Variants in SPATS2 observed in about 807,000 individuals in gnomAD.
SPATS2 encodes the protein spermatogenesis associated serine rich 2, also known as spermatogenesis-associated serine-rich protein 2.
SPATS2 carries 38 observed loss-of-function variants against 63.7 expected under a neutral mutation model. The ratio of observed to expected loss-of-function variants is 0.60; its 90% CI spans 0.46 to 0.78. The LOEUF is 0.78. Among genes scored for constraint, SPATS2 ranks in the 30% least tolerant of loss-of-function variants. The probability of loss-of-function intolerance (pLI) is 0.00; values close to 1 mark genes in which losing one functional copy is unlikely to be tolerated. For missense variants in SPATS2, 588 were observed against 666.2 expected, an observed-to-expected ratio of 0.88 and a Z score of 1.29; for synonymous variants, 207 against 232.9, an observed-to-expected ratio of 0.89 and a Z score of 1.01.
intron 9 of SPATS2, among the ~76,000 whole-genome samples, chr12:49,514,178 A>G (rs1946801385): frequency 6.6e-6 from 1 of 151,458 alleles, no homozygotes; most frequent in Non-Finnish European, 1.5e-5. Flanking sequence ...AAAGTATGTG[A>G]GTACATACAT....
At chr12:49,521,957 G>T (rs1489386594) in intron 11 of SPATS2, among the ~76,000 whole-genome samples, 1 of 151,726 alleles carries the variant, frequency 6.6e-6, no homozygotes, top group East Asian at 1.9e-4. Context: ...TAAGAGGAGT[G>T]CTCTGAGGGG....
At chr12:49,433,390 T>C (rs1945219826) in intron 2 of SPATS2, among the ~76,000 whole-genome samples, 1 of 152,262 alleles carries the variant, frequency 6.6e-6, no homozygotes, top group Non-Finnish European at 1.5e-5. Flanking sequence ...CTCGAACTCC[T>C]GACCTCAAGT....
At chr12:49,376,173 C>T (rs1944098411) in intron 2 of SPATS2, among the ~76,000 whole-genome samples, 1 of 144,800 alleles carries the variant, frequency 6.9e-6, no homozygotes, top group Admixed American at 7.1e-5. Flanking sequence ...GCAATCTTGG[C>T]TCACTGCAAC....
chr12:49,410,784 A>T (rs557530521), intron 2 of SPATS2, among the ~76,000 whole-genome samples: 10 of 151,940 alleles, frequency 6.6e-5, no homozygotes, highest in Admixed American at 6.6e-4. Context: ...GCTTAAAAGG[A>T]ATTTTTTTTT....
At chr12:49,507,705 A>C (rs1282969294) in intron 9 of SPATS2, among the ~76,000 whole-genome samples, 1 of 152,168 alleles carries the variant, frequency 6.6e-6, no homozygotes, top group East Asian at 1.9e-4. Context: ...GTGTAATTTC[A>C]ATGTGATCTT....
At chr12:49,398,636 G>A (rs1165470645) in intron 2 of SPATS2, among the ~76,000 whole-genome samples, 1 of 152,172 alleles carries the variant, frequency 6.6e-6, no homozygotes, top group Non-Finnish European at 1.5e-5. Context: ...TAGTTGAGAT[G>A]TGTTAAATTT....
chr12:49,508,859 T>C (rs1592470455), intron 9 of SPATS2, among the ~76,000 whole-genome samples: 1 of 151,552 alleles, frequency 6.6e-6, no homozygotes, highest in South Asian at 2.1e-4. Flanking sequence ...AGGTCAGGAG[T>C]TTGAAACCAG....
intron 2 of SPATS2, among the ~76,000 whole-genome samples, chr12:49,407,504 T>A (rs1478815321): frequency 2.0e-5 from 3 of 152,216 alleles, no homozygotes; most frequent in Non-Finnish European, 4.4e-5. Flanking sequence ...TTTTCTAAGA[T>A]GCCAGGTTGT....
At chr12:49,368,194 A>G (rs2137118625) in intron 1 of SPATS2, among the ~76,000 whole-genome samples, 1 of 152,368 alleles carries the variant, frequency 6.6e-6, no homozygotes, top group Middle Eastern at 3.4e-3. Context: ...TAATTCATCC[A>G]GAATGATTAG....
intron 2 of SPATS2, among the ~76,000 whole-genome samples, chr12:49,382,925 G>A (rs1944247608): frequency 6.6e-6 from 1 of 151,856 alleles, no homozygotes; most frequent in Admixed American, 6.6e-5. Context: ...GGCTGGTCAC[G>A]AACTCCTGAC....
intron 2 of SPATS2, among the ~76,000 whole-genome samples, chr12:49,401,664 TTTTTC>T (rs1944607456): frequency 6.6e-6 from 1 of 152,188 alleles, no homozygotes; most frequent in African/African-American, 2.4e-5. Flanking sequence ...TGTCAGTTTC[TTTTTC>T]TTTTCTTTTT....
At chr12:49,441,972 AGGAGT>A (rs1945426634) in intron 2 of SPATS2, among the ~76,000 whole-genome samples, 1 of 152,232 alleles carries the variant, frequency 6.6e-6, no homozygotes, top group Admixed American at 6.5e-5. Context: ...AGCCATGACC[AGGAGT>A]GGTTTTCTTC....
At chr12:49,508,460 G>T (rs894666466) in intron 9 of SPATS2, among the ~76,000 whole-genome samples, 11 of 152,140 alleles carry the variant, frequency 7.2e-5, no homozygotes, top group African/African-American at 2.7e-4. Context: ...CGCCTGATCC[G>T]CCTGCCTTGG....
intron 2 of SPATS2, among the ~76,000 whole-genome samples, chr12:49,404,975 C>A (rs1346236700): frequency 2.0e-5 from 3 of 149,046 alleles, no homozygotes; most frequent in African/African-American, 7.7e-5. Flanking sequence ...TGGAACACAA[C>A]CATGCTCATT....
At chr12:49,447,713 T>G (rs954764830) in intron 2 of SPATS2, among the ~76,000 whole-genome samples, 1 of 152,196 alleles carries the variant, frequency 6.6e-6, no homozygotes, top group African/African-American at 2.4e-5. Flanking sequence ...ATGTAAGTTT[T>G]TCTAGGAATT....
rs140090759 is a variant in SPATS2, at chr12:49,485,707, A to T, written c.105+1038A>T. On this transcript the variant is annotated intron_variant, in intron 4 of 13. Coordinates refer to ENST00000552918, the MANE Select transcript of SPATS2 (RefSeq NM_023071.4). ...AGAAAACCAAGTGGTTTTAGTAATG[A>T]AACCGTCAACGAGCTGTACTGAGAA... 4.7e-4 allele frequency among the ~76,000 whole-genome samples: 71 copies of T among 151,866 alleles called. No individual in the cohort carries two copies. In the South Asian group the frequency reaches 0.012, roughly 26 times the overall value.
At chr12:49,508,486 G>A (rs1205743082) in intron 9 of SPATS2, among the ~76,000 whole-genome samples, 1 of 152,186 alleles carries the variant, frequency 6.6e-6, no homozygotes, top group African/African-American at 2.4e-5. Flanking sequence ...CAAAGTACTG[G>A]GATTACAGGC....
At chr12:49,490,944 C>G in intron 6 of SPATS2, 1 of 451,146 alleles carries the variant, frequency 2.2e-6, no homozygotes, top group Non-Finnish European at 4.0e-6. Context: ...TGGTTCAAGA[C>G]TAGCCCGGCC....
At chr12:49,390,949 T>G (rs1459550677) in intron 2 of SPATS2, among the ~76,000 whole-genome samples, 4 of 152,248 alleles carry the variant, frequency 2.6e-5, no homozygotes, top group Non-Finnish European at 5.9e-5. Context: ...TCTGGCTGAT[T>G]TTTAAGGATA....
Sources: gnomAD v4.1 joint callset for allele counts (sites outside exome capture counted in the v4.1 genomes callset) on GRCh38, gnomAD v4.1.1 for gene constraint, MANE v1.5 for transcripts, NCBI Gene and HGNC (gene_info 2026-07-23, HGNC 2026-07-21) for gene names.